The following WDPCP variants were observed in gnomAD, a reference collection of about 807,000 sequenced individuals.
WDPCP encodes WD repeat containing planar cell polarity effector, also known as WD repeat-containing and planar cell polarity effector protein fritz homolog.
A neutral mutation model predicts 93.1 loss-of-function variants in WDPCP; 71 were observed. The observed-to-expected ratio is 0.76, with a 90% CI of 0.63 to 0.93. The LOEUF is 0.93. WDPCP is among the 40% of genes least tolerant of loss of function. The pLI, the probability that WDPCP is intolerant of heterozygous loss-of-function variation, is 0.00. For synonymous variants in WDPCP, 315 were observed against 315.0 expected, an observed-to-expected ratio of 1.00 and a Z score of 0.00; for missense variants, 844 against 887.4, an observed-to-expected ratio of 0.95 and a Z score of 0.62.
chr2:63,763,723 G>A (rs997157642), intron 2 of WDPCP, among the ~76,000 whole-genome samples: 12 of 152,144 alleles, frequency 7.9e-5, no homozygotes, highest in Non-Finnish European at 1.5e-4. Flanking sequence ...GATATATTCA[G>A]AGATAGTCAG....
At chr2:63,494,267 G>C (rs1257179572) in intron 1 of WDPCP, among the ~76,000 whole-genome samples, 1 of 76,264 alleles carries the variant, frequency 1.3e-5, no homozygotes. Flanking sequence ...GATTTCACCA[G>C]ATGATGATGA....
chr2:63,477,330 A>C (rs185935370), intron 6 of WDPCP, among the ~76,000 whole-genome samples: 22 of 152,028 alleles, frequency 1.4e-4, no homozygotes, highest in Admixed American at 4.6e-4. Flanking sequence ...TTTAGGAGAC[A>C]AAAAAAATGT....
At chr2:63,363,380 C>T (rs1412462387) in intron 12 of WDPCP, among the ~76,000 whole-genome samples, 1 of 152,108 alleles carries the variant, frequency 6.6e-6, no homozygotes, top group Non-Finnish European at 1.5e-5. Flanking sequence ...AGGCAGAATG[C>T]TTGAGCCAGG....
intron 10 of WDPCP, among the ~76,000 whole-genome samples, chr2:63,398,461 A>C (rs1430989610): frequency 6.6e-6 from 1 of 152,182 alleles, no homozygotes; most frequent in African/African-American, 2.4e-5. Context: ...AGGAAGACAT[A>C]ATCTTTGAAT....
chr2:63,227,021 A>G (rs1475722877), intron 14 of WDPCP, among the ~76,000 whole-genome samples: 3 of 151,938 alleles, frequency 2.0e-5, no homozygotes, highest in Admixed American at 2.0e-4. Context: ...TTTTTTGATT[A>G]ATAAGGCAAA....
intron 10 of WDPCP, among the ~76,000 whole-genome samples, chr2:63,383,118 A>G (rs1223383790): frequency 6.6e-6 from 1 of 152,148 alleles, no homozygotes; most frequent in Non-Finnish European, 1.5e-5. Context: ...AAATCATTGA[A>G]AGGTGATAAA....
At chr2:63,420,503 C>T (rs1302164422) in intron 9 of WDPCP, among the ~76,000 whole-genome samples, 2 of 149,820 alleles carry the variant, frequency 1.3e-5, no homozygotes, top group South Asian at 2.1e-4. Flanking sequence ...CATTGCACTC[C>T]AGCCTGGGCA....
At chr2:63,594,991 C>T (rs888197979) in intron 3 of WDPCP, 2 of 256,232 alleles carry the variant, frequency 7.8e-6, no homozygotes, top group Non-Finnish European at 1.5e-5. Context: ...TCCAGCAAGC[C>T]TGATTAATAT....
chr2:63,307,450 G>T (rs1685829060), intron 13 of WDPCP, among the ~76,000 whole-genome samples: 1 of 152,114 alleles, frequency 6.6e-6, no homozygotes, highest in Non-Finnish European at 1.5e-5. Flanking sequence ...TAAGCAAAAA[G>T]AACAAAGCTG....
intron 2 of WDPCP, among the ~76,000 whole-genome samples, chr2:63,755,171 A>G (rs1669943891): frequency 6.6e-6 from 1 of 152,178 alleles, no homozygotes; most frequent in Non-Finnish European, 1.5e-5. Flanking sequence ...TGGAAATCAC[A>G]TTCCATCATT....
chr2:63,259,497 G>T, intron 13 of WDPCP, 88 bp from the exon 14 acceptor site: 1 of 1,041,158 alleles, frequency 9.6e-7, no homozygotes, highest in Non-Finnish European at 1.5e-6. Context: ...TTATTGTCCA[G>T]ATTACAAAAT....
At chr2:63,342,659 CTGT>C (rs1171665443) in intron 12 of WDPCP, among the ~76,000 whole-genome samples, 3 of 152,160 alleles carry the variant, frequency 2.0e-5, no homozygotes, top group African/African-American at 7.2e-5. Context: ...TCTATCTACC[CTGT>C]TATTATTGTC....
intron 1 of WDPCP, among the ~76,000 whole-genome samples, chr2:63,818,199 A>C (rs1322231581): frequency 6.6e-6 from 1 of 152,210 alleles, no homozygotes; most frequent in Non-Finnish European, 1.5e-5. Flanking sequence ...CACTATGCAG[A>C]GCATAATAAG....
intron 3 of WDPCP, among the ~76,000 whole-genome samples, chr2:63,612,700 T>C (rs537272846): frequency 1.2e-4 from 19 of 152,226 alleles, no homozygotes; most frequent in Non-Finnish European, 2.5e-4. Context: ...TTTGTGAAGA[T>C]GCTATATAAA....
At chr2:63,536,447 C>T (rs974424053) in intron 1 of WDPCP, among the ~76,000 whole-genome samples, 2 of 152,110 alleles carry the variant, frequency 1.3e-5, no homozygotes, top group African/African-American at 4.8e-5. Context: ...ATAGCGAAGA[C>T]TTGGAACCAA....
intron 1 of WDPCP, among the ~76,000 whole-genome samples, chr2:63,575,458 A>AGCGTATGCACT (rs1558832737): frequency 0.013 from 500 of 37,742 alleles, 171 homozygotes; most frequent in South Asian, 0.024. Context: ...CTGTATATAC[A>AGCGTATGCACT]GTATATATGC....
At chr2:63,228,718 T>C (rs1487266422) in intron 14 of WDPCP, 1 of 152,116 alleles carries the variant, frequency 6.6e-6, no homozygotes, top group African/African-American at 2.4e-5. Context: ...TTGCTGAGAA[T>C]GATGGTTTCC....
chr2:63,338,565 AAAAAATATATATATATATATATATATAT>A lies in WDPCP; in HGVS notation c.1749-25282_1749-25255del, dbSNP rs1410507710. 3.5e-4 allele frequency among the ~76,000 whole-genome samples: 14 copies of A among 40,480 alleles called. 1 individual carries two copies. Among genetic ancestry groups the A allele is most frequent in the Non-Finnish European group, 3.6e-4 (8 of 22,320 alleles). The allele number at this position is 40,480 out of a possible 152,430, so 26.6% of individuals were successfully genotyped here. On this transcript the variant is annotated intron_variant, in intron 12 of 17. Transcript: ENST00000272321. The stretch of plus-strand genomic sequence containing the variant: ...AAAACTCCATCTAAAAAAAAAAAAA[AAAAAATATATATATATATATATATATAT>A]ATATATATATATATATATATATATG...
chr2:63,832,780 A>G (rs1277944107), upstream of WDPCP, among the ~76,000 whole-genome samples: 1 of 152,230 alleles, frequency 6.6e-6, no homozygotes, highest in East Asian at 1.9e-4. Flanking sequence ...GGGATACAAG[A>G]GAGACATGGT....
Sources: allele counts gnomAD v4.1 joint callset (sites outside exome capture counted in the v4.1 genomes callset), GRCh38; gene constraint gnomAD v4.1.1; transcripts MANE v1.5; gene names NCBI Gene and HGNC (gene_info 2026-07-23, HGNC 2026-07-21).